MARCHF1: variants seen among roughly 807,000 people sequenced by gnomAD.
MARCHF1 encodes the protein E3 ubiquitin-protein ligase MARCHF1.
A neutral mutation model predicts 54.2 loss-of-function variants in MARCHF1; 40 were observed. The observed-to-expected ratio is 0.74, with a 90% CI of 0.57 to 0.96. The LOEUF is 0.96. Among genes scored for constraint, MARCHF1 ranks in the 40% least tolerant of loss-of-function variants. MARCHF1 has a pLI of 0.00. For missense variants in MARCHF1, 586 were observed against 656.5 expected, an observed-to-expected ratio of 0.89 and a Z score of 1.17; for synonymous variants, 236 against 236.3, an observed-to-expected ratio of 1.00 and a Z score of 0.01.
chr4:164,084,947 C>T (rs997897707), intron 2 of MARCHF1, among the ~76,000 whole-genome samples: 1 of 151,660 alleles, frequency 6.6e-6, no homozygotes, highest in African/African-American at 2.4e-5. Flanking sequence ...CAATAGTCAT[C>T]TATTTATATT....
rs556806386 is a variant in MARCHF1, at chr4:163,782,350, T to C, written c.111+71671A>G. 7.9e-5 allele frequency among the ~76,000 whole-genome samples: 12 copies of C among 152,170 alleles called. 1 individual carries two copies. Among genetic ancestry groups the C allele is most frequent in the African/African-American group, 2.7e-4 (11 of 41,508 alleles). On this transcript the variant is annotated intron_variant, in intron 4 of 9. Transcript: ENST00000514618. ...TCCAGCAATATGGCAATAGGCAATA[T>C]ATGTCATCACAGCAGAGTCCTTATT...
At chr4:164,273,478 G>A (rs1733794564) in intron 1 of MARCHF1, among the ~76,000 whole-genome samples, 1 of 152,018 alleles carries the variant, frequency 6.6e-6, no homozygotes, top group Non-Finnish European at 1.5e-5. Context: ...CATATCAGTA[G>A]GCATGTGTTG....
intron 1 of MARCHF1, among the ~76,000 whole-genome samples, chr4:164,357,126 A>G (rs1561016990): frequency 6.6e-6 from 1 of 152,032 alleles, no homozygotes; most frequent in East Asian, 1.9e-4. Context: ...TAAGAAAAAA[A>G]AAAATAAATA....
At chr4:163,876,657 A>G (rs1353252170) in intron 3 of MARCHF1, among the ~76,000 whole-genome samples, 3 of 152,146 alleles carry the variant, frequency 2.0e-5, no homozygotes, top group South Asian at 2.1e-4. Context: ...GATAGAAGCA[A>G]TATTAGAGAT....
rs112275464 is a variant in MARCHF1 at position 164,277,485 on chromosome 4, T to G, written c.-323+106385A>C. Among the ~76,000 whole-genome samples, 279 of 152,334 alleles carry G rather than the reference T, an allele frequency of 1.8e-3. 1 individual carries two copies. Among genetic ancestry groups the G allele is most frequent in the African/African-American group, 6.3e-3 (261 of 41,582 alleles). ...TAGCTTCTGTATTTAAGCCACATTA[T>G]ACCTTTCTTCAGTTTTTTATATAGA... is the stretch of plus-strand genomic sequence containing the variant. On this transcript the variant is annotated intron_variant, in intron 1 of 9. Transcript: ENST00000514618.
At chr4:163,912,373 G>A (rs1388155378) in intron 3 of MARCHF1, among the ~76,000 whole-genome samples, 1 of 152,128 alleles carries the variant, frequency 6.6e-6, no homozygotes, top group Non-Finnish European at 1.5e-5. Flanking sequence ...AAAGTGTTAT[G>A]TAATTACTCC....
chr4:163,707,876 G>A (rs934512522), intron 4 of MARCHF1, among the ~76,000 whole-genome samples: 6 of 150,644 alleles, frequency 4.0e-5, no homozygotes, highest in African/African-American at 1.5e-4. Context: ...CACTCTTCTA[G>A]CTTCTGTTCT....
intron 2 of MARCHF1, among the ~76,000 whole-genome samples, chr4:164,056,072 T>C (rs979569875): frequency 6.6e-6 from 1 of 152,208 alleles, no homozygotes; most frequent in African/African-American, 2.4e-5. Flanking sequence ...CCTTTAGCTT[T>C]GGACTGTTAC....
At chr4:164,126,828 G>A (rs2110798697) in intron 1 of MARCHF1, among the ~76,000 whole-genome samples, 1 of 152,306 alleles carries the variant, frequency 6.6e-6, no homozygotes, top group East Asian at 1.9e-4. Flanking sequence ...GGCCGAGGCA[G>A]GCGCATCACT....
intron 1 of MARCHF1, among the ~76,000 whole-genome samples, chr4:164,350,329 T>C (rs994997343): frequency 1.9e-4 from 29 of 152,130 alleles, no homozygotes; most frequent in South Asian, 2.1e-4. Flanking sequence ...CAGAGTAGAA[T>C]TGAGGTTAGT....
chr4:163,858,447 C>T (rs573057657), intron 3 of MARCHF1, among the ~76,000 whole-genome samples: 2 of 152,224 alleles, frequency 1.3e-5, no homozygotes, highest in Admixed American at 1.3e-4. Context: ...CCTCTCTTTA[C>T]CACATGCATA....
intron 2 of MARCHF1, among the ~76,000 whole-genome samples, chr4:164,070,603 TC>T (rs1344899321): frequency 1.3e-5 from 2 of 152,206 alleles, no homozygotes; most frequent in Admixed American, 1.3e-4. Flanking sequence ...CTGAAAAGTA[TC>T]CCAGCTTAGA....
At chr4:163,632,266 C>T (rs1041075192) in intron 5 of MARCHF1, among the ~76,000 whole-genome samples, 1 of 152,172 alleles carries the variant, frequency 6.6e-6, no homozygotes, top group Non-Finnish European at 1.5e-5. Flanking sequence ...ATAGGAACAG[C>T]TCCGGTCTAC....
intron 1 of MARCHF1, among the ~76,000 whole-genome samples, chr4:164,357,643 A>C (rs1162858065): frequency 1.3e-5 from 2 of 152,186 alleles, no homozygotes; most frequent in Non-Finnish European, 2.9e-5. Flanking sequence ...AAATACACTT[A>C]AGAGAATAAT....
At chr4:164,237,977 T>C (rs570445296) in intron 1 of MARCHF1, among the ~76,000 whole-genome samples, 5 of 152,214 alleles carry the variant, frequency 3.3e-5, no homozygotes, top group African/African-American at 1.2e-4. Context: ...ATTATTGATT[T>C]ATCTATACAT....
At chr4:164,362,633 G>A (rs867297870) in intron 1 of MARCHF1, among the ~76,000 whole-genome samples, 1 of 152,090 alleles carries the variant, frequency 6.6e-6, no homozygotes, top group South Asian at 2.1e-4. Flanking sequence ...GCACACTTTT[G>A]TTACTAGTTA....
chr4:163,841,846 C>A (rs1057423784), intron 4 of MARCHF1, among the ~76,000 whole-genome samples: 1 of 152,030 alleles, frequency 6.6e-6, no homozygotes, highest in Non-Finnish European at 1.5e-5. Context: ...AAATTTTATT[C>A]CTGTAGGCTG....
At chr4:163,837,235 T>A (rs1239135710) in intron 4 of MARCHF1, among the ~76,000 whole-genome samples, 3 of 152,130 alleles carry the variant, frequency 2.0e-5, no homozygotes, top group Non-Finnish European at 4.4e-5. Context: ...ACTGTGACTC[T>A]TACTTGTCTA....
chr4:164,046,210 T>A (rs991943454), intron 2 of MARCHF1, among the ~76,000 whole-genome samples: 11 of 152,232 alleles, frequency 7.2e-5, no homozygotes, highest in Non-Finnish European at 1.2e-4. Flanking sequence ...GAGGGACACA[T>A]TATCTTTACC....
Sources: gnomAD v4.1 joint callset for allele counts (sites outside exome capture counted in the v4.1 genomes callset) on GRCh38, gnomAD v4.1.1 for gene constraint, MANE v1.5 for transcripts, NCBI Gene and HGNC (gene_info 2026-07-23, HGNC 2026-07-21) for gene names.